Variants in PAPOLA observed in about 807,000 individuals in gnomAD.
The protein encoded by PAPOLA is poly(A) polymerase alpha.
A neutral mutation model predicts 100.6 loss-of-function variants in PAPOLA; 15 were observed. That is an observed-to-expected ratio of 0.15 (90% CI 0.10 to 0.23). PAPOLA has a LOEUF of 0.23. Ranked by LOEUF, PAPOLA falls within the 10% of genes least tolerant of loss-of-function variation. PAPOLA has a pLI of 1.00. For synonymous variants in PAPOLA, 293 were observed against 300.0 expected (o/e 0.98, Z 0.24); for missense variants, 533 against 884.2 (o/e 0.60, Z 5.04).
intron 1 of PAPOLA, among the ~76,000 whole-genome samples, chr14:96,517,325 T>A (rs1189002391): frequency 6.6e-6 from 1 of 152,182 alleles, no homozygotes; most frequent in Non-Finnish European, 1.5e-5. Flanking sequence ...TACGTTAGGA[T>A]ATGTGGTAAG....
At chr14:96,531,164 G>C (rs1181730000) in intron 6 of PAPOLA, among the ~76,000 whole-genome samples, 1 of 152,018 alleles carries the variant, frequency 6.6e-6, no homozygotes, top group African/African-American at 2.4e-5. Context: ...ACCATGCCCG[G>C]CTAATTTTTT....
intron 15 of PAPOLA, among the ~76,000 whole-genome samples, chr14:96,547,295 A>G (rs1900468214): frequency 6.6e-6 from 1 of 151,884 alleles, no homozygotes; most frequent in Non-Finnish European, 1.5e-5. Context: ...TTCTTTTTGT[A>G]CCTGTGACCT....
chr14:96,547,939 C>G, intron 16 of PAPOLA, 21 bp downstream of exon 16: 2 of 1,578,562 alleles, frequency 1.3e-6, no homozygotes, highest in Non-Finnish European at 1.7e-6. Context: ...AAAGTACTTA[C>G]AAAAGCATTA....
intron 12 of PAPOLA, among the ~76,000 whole-genome samples, chr14:96,540,762 G>A (rs894657993): frequency 6.6e-6 from 1 of 152,110 alleles, no homozygotes; most frequent in African/African-American, 2.4e-5. Context: ...TAGACTTCAA[G>A]TTAACTCCAT....
intron 10 of PAPOLA, 188 bp downstream of exon 10, chr14:96,534,751 A>G (rs894435686): frequency 6.4e-5 from 88 of 1,374,038 alleles, no homozygotes; most frequent in Non-Finnish European, 1.8e-5. Flanking sequence ...ATAATTATGT[A>G]CCCTGTAAAC....
chr14:96,538,994 A>G (rs1474772753), intron 12 of PAPOLA, among the ~76,000 whole-genome samples: 2 of 152,104 alleles, frequency 1.3e-5, no homozygotes, highest in African/African-American at 4.8e-5. Context: ...TTAAAATGCA[A>G]ACTAATCATC....
intron 7 of PAPOLA, 189 bp downstream of exon 7, chr14:96,531,775 A>G: frequency 1.4e-6 from 2 of 1,447,418 alleles, no homozygotes; most frequent in Non-Finnish European, 1.8e-6. Context: ...AGTATTTTAT[A>G]CACTGTATTT....
chr14:96,544,347 T>C (rs1170150762), intron 15 of PAPOLA, 89 bp downstream of exon 15: 7 of 664,726 alleles, frequency 1.1e-5, no homozygotes, highest in Non-Finnish European at 1.9e-5. Context: ...TTACAATAAT[T>C]GTTGAAATTA....
intron 1 of PAPOLA, among the ~76,000 whole-genome samples, chr14:96,507,442 T>C (rs1896808701): frequency 6.6e-6 from 1 of 151,480 alleles, no homozygotes; most frequent in South Asian, 2.1e-4. Flanking sequence ...CGCCCGCCAC[T>C]GCGCCCGGCT....
chr14:96,556,255 G>C lies in PAPOLA; in HGVS notation c.1846G>C (p.Val616Leu). The change falls in exon 19 of 22, where the codon GTT becomes CTT. Residue 616 changes from valine to leucine, a missense_variant. Coordinates refer to ENST00000216277, the MANE Select transcript of PAPOLA (RefSeq NM_032632.5). ...PPPKPTVSRV[V>L]SSTRLVNPPP... is the part of the protein sequence containing the mutation. ...ACCAAAGCCTACGGTCTCCAGAGTT[G>C]TTTCTTCAACACGTCTGGTAAACCC... 1 of 1,614,012 alleles carries C rather than the reference G, an allele frequency of 6.2e-7. No homozygotes were observed. Among genetic ancestry groups the C allele is most frequent in the South Asian group, 1.1e-5 (1 of 91,068 alleles).
At chr14:96,544,574 C>CA (rs1389238042) in intron 15 of PAPOLA, among the ~76,000 whole-genome samples, 1 of 152,046 alleles carries the variant, frequency 6.6e-6, no homozygotes, top group Non-Finnish European at 1.5e-5. Context: ...TGTTGGCACT[C>CA]ACAAATTTTT....
chr14:96,510,769 A>G (rs1897061426), intron 1 of PAPOLA, among the ~76,000 whole-genome samples: 1 of 152,228 alleles, frequency 6.6e-6, no homozygotes, highest in African/African-American at 2.4e-5. Context: ...TTTTAGTACC[A>G]CTTACACAGA....
At chr14:96,517,557 A>G (rs546876153) in intron 1 of PAPOLA, among the ~76,000 whole-genome samples, 2 of 152,306 alleles carry the variant, frequency 1.3e-5, no homozygotes, top group South Asian at 2.1e-4. Context: ...TGATATCTCA[A>G]TAAAACTGGG....
chr14:96,528,126 T>TA, intron 6 of PAPOLA, 120 bp downstream of exon 6: 1 of 649,772 alleles, frequency 1.5e-6, no homozygotes, highest in Non-Finnish European at 2.8e-6. Context: ...TTAATAACAA[T>TA]TAAGGCTTTT....
At chr14:96,505,267 C>T (rs1730782633) in intron 1 of PAPOLA, among the ~76,000 whole-genome samples, 1 of 152,186 alleles carries the variant, frequency 6.6e-6, no homozygotes, top group African/African-American at 2.4e-5. Flanking sequence ...TCCACCCCTC[C>T]ATTTCCCCAG....
Position 96,502,603 on chromosome 14 carries a change from A to G in PAPOLA, c.8+3A>G. Reference sequence around the variant, plus strand: ...CCGGCGCCGGAGACGATGCCGTTGTAAGTAATTTGTATTCTGTTTTCTTTC... The same window carrying G: ...CCGGCGCCGGAGACGATGCCGTTGTGAGTAATTTGTATTCTGTTTTCTTTC... On this transcript the variant is annotated splice_donor_region_variant and intron_variant, in intron 1 of 21. Transcript: ENST00000216277. 2.5e-6 allele frequency: 4 copies of G among 1,577,426 alleles called. No individual in the cohort carries two copies. The highest frequency in any genetic ancestry group is 3.4e-6 in the Non-Finnish European group (4 of 1,162,176).
chr14:96,505,735 T>C (rs1243607952), intron 1 of PAPOLA, among the ~76,000 whole-genome samples: 2 of 152,284 alleles, frequency 1.3e-5, no homozygotes, highest in East Asian at 3.9e-4. Context: ...GGGTACATAA[T>C]GTTCAAACTA....
rs564957718 is a variant in PAPOLA at position 96,563,799 on chromosome 14, T to C, written c.2142+906T>C. Among the ~76,000 whole-genome samples, 11 of 152,222 alleles carry C rather than the reference T, an allele frequency of 7.2e-5. No individual in the cohort carries two copies. The East Asian group carries it at 1.9e-3, about 27-fold the overall frequency. ...AAAACTTTAGGGGGAGTAACTAACA[T>C]CAGGAAGTATGCTTAATATTGATAC... On this transcript the variant is annotated intron_variant, in intron 21 of 21. Transcript: ENST00000216277.
chr14:96,520,240 T>A lies in PAPOLA; in HGVS notation c.182+12T>A. ...GAACTGCAGCGCAGGTAAATAGATA[T>A]TCTATATTTTTTTAACTCGGAAACT... On this transcript the variant is annotated intron_variant, in intron 2 of 21. Transcript: ENST00000216277. 6.3e-7 allele frequency: 1 copy of A among 1,581,350 alleles called. No homozygotes were observed.
Sources: allele counts gnomAD v4.1 joint callset (sites outside exome capture counted in the v4.1 genomes callset), GRCh38; gene constraint gnomAD v4.1.1; transcripts MANE v1.5; gene names NCBI Gene and HGNC (gene_info 2026-07-23, HGNC 2026-07-21).